PRR5: variants seen among roughly 807,000 people sequenced by gnomAD.
The protein encoded by PRR5 is proline-rich protein 5.
A neutral mutation model predicts 30.6 loss-of-function variants in PRR5; 25 were observed. The ratio of observed to expected loss-of-function variants is 0.82; its 90% confidence interval spans 0.60 to 1.14. The LOEUF is 1.14. PRR5 is among the 50% of genes most tolerant of loss of function. The probability of loss-of-function intolerance (pLI) is 0.00; values close to 1 mark genes in which losing one functional copy is unlikely to be tolerated. For synonymous variants in PRR5, 286 were observed against 247.1 expected, an observed-to-expected ratio of 1.16 and a Z score of -1.48; for missense variants, 600 against 547.1, an observed-to-expected ratio of 1.10 and a Z score of -0.96.
intron 2 of PRR5, 78 bp from the exon 3 acceptor site, chr22:44,725,166 C>G: frequency 1.9e-6 from 3 of 1,589,640 alleles, no homozygotes; most frequent in African/African-American, 1.3e-5. Context: ...GCCCAGGAGG[C>G]CCCACCCCAG....
At position 44,705,914 on chromosome 22, in the gene PRR5, C is replaced by T. The variant is rs1265040756; in HGVS notation, c.134+3306C>T. Among the ~76,000 whole-genome samples, 4 of 152,210 alleles carry T rather than the reference C, an allele frequency of 2.6e-5. No homozygotes were observed. The South Asian group carries it at 6.2e-4, about 24-fold the overall frequency. ...TCAAGCAATTCTCCTGCTTCAGCCTCCCAAGTAGCTGGGATTGTAGGCGCC... is the reference window on the plus strand; with the variant it reads ...TCAAGCAATTCTCCTGCTTCAGCCTTCCAAGTAGCTGGGATTGTAGGCGCC... On this transcript the variant is annotated intron_variant, in intron 1 of 7. Coordinates refer to ENST00000336985, the MANE Select transcript of PRR5 (RefSeq NM_181333.4).
chr22:44,727,216 C>A (rs1299060110), intron 4 of PRR5, among the ~76,000 whole-genome samples: 1 of 152,188 alleles, frequency 6.6e-6, no homozygotes, highest in East Asian at 1.9e-4. Flanking sequence ...ACCCTTTGCC[C>A]TTCTCACGGC....
chr22:44,680,379 G>C (rs997042732), intron 1 of PRR5, among the ~76,000 whole-genome samples: 15 of 152,144 alleles, frequency 9.9e-5, no homozygotes, highest in African/African-American at 3.6e-4. Flanking sequence ...TAAAGTGCAC[G>C]TTTAGTGGAA....
At chr22:44,729,288 G>A (rs1602082124) in intron 4 of PRR5, 2 of 946,764 alleles carry the variant, frequency 2.1e-6, no homozygotes, top group Non-Finnish European at 2.5e-6. Flanking sequence ...CTCCCGACGG[G>A]CTGAAACAGG....
chr22:44,719,110 A>G (rs1929544984), intron 2 of PRR5, among the ~76,000 whole-genome samples: 1 of 147,570 alleles, frequency 6.8e-6, no homozygotes, highest in Admixed American at 6.8e-5. Context: ...TTTTTAAGAG[A>G]CTAGGTCTCG....
At chr22:44,684,653 G>A (rs533562526) in intron 1 of PRR5, among the ~76,000 whole-genome samples, 12 of 152,250 alleles carry the variant, frequency 7.9e-5, no homozygotes, top group South Asian at 2.1e-4. Flanking sequence ...GCTGCCTGGT[G>A]TTGCCCAGCT....
chr22:44,694,834 A>C (rs1925604394), intron 1 of PRR5, among the ~76,000 whole-genome samples: 1 of 152,166 alleles, frequency 6.6e-6, no homozygotes, highest in African/African-American at 2.4e-5. Flanking sequence ...CCAAGGACAG[A>C]GACTAAAGCT....
In PRR5 at chr22:44,737,239, G is replaced by A; in HGVS notation, c.1159G>A (p.Val387Ile). ...DLEGSGGRQS[V>I]V ...GGAGGGCTCTGGGGGCCGGCAGAGT[G>A]TCGTGTGAGGCCTCACAGCTGGCCT... The change falls in exon 8 of 8, where the codon GTC becomes ATC. Residue 387 changes from valine to isoleucine, a missense_variant. Transcript: ENST00000336985. 2.5e-6 allele frequency: 4 copies of A among 1,599,716 alleles called. No individual in the cohort carries two copies. Among genetic ancestry groups the A allele is most frequent in the Non-Finnish European group, 2.6e-6 (3 of 1,170,310 alleles).
intron 1 of PRR5, among the ~76,000 whole-genome samples, chr22:44,679,113 C>A (rs988926064): frequency 2.0e-5 from 3 of 152,120 alleles, no homozygotes; most frequent in African/African-American, 7.2e-5. Flanking sequence ...TCCCCACTCT[C>A]CTAGGCCTCA....
chr22:44,735,701 G>T (rs1203278168), intron 7 of PRR5, among the ~76,000 whole-genome samples: 4 of 152,152 alleles, frequency 2.6e-5, no homozygotes, highest in Non-Finnish European at 5.9e-5. Flanking sequence ...TTCCCCTCCC[G>T]CGGGGGAGGC....
At chr22:44,721,619 G>A (rs1929947231) in intron 2 of PRR5, among the ~76,000 whole-genome samples, 1 of 152,160 alleles carries the variant, frequency 6.6e-6, no homozygotes. Context: ...GGAACATTGG[G>A]GTCTTCCTTT....
At chr22:44,733,001 C>A (rs532540622) in intron 6 of PRR5, among the ~76,000 whole-genome samples, 1 of 130,580 alleles carries the variant, frequency 7.7e-6, no homozygotes, top group African/African-American at 2.5e-5. Flanking sequence ...TGCGCGCACA[C>A]ATACTACACA....
At chr22:44,699,798 G>T (rs763470264), upstream of PRR5, among the ~76,000 whole-genome samples, 5 of 152,238 alleles carry the variant, frequency 3.3e-5, no homozygotes, top group Non-Finnish European at 7.3e-5. Context: ...GGAGGGACCC[G>T]CAGCTGGAGG....
At position 44,702,553 on chromosome 22, in the gene PRR5, G is replaced by A. The variant is rs1414332956; in HGVS notation, c.79G>A (p.Ala27Thr). ...DLGKREPAAA[A>T]DERGTQQRRA... ...GGGCAAGAGAGAGCCGGCCGCCGCC[G>A]CGGACGAGCGGGGCACGCAGCAGCG... Residue 27 changes from alanine (A) to threonine (T), a missense_variant, in exon 1 of 8, where the codon GCG becomes ACG. Ala to Thr is a moderately conservative substitution (Grantham distance 58). Transcript: ENST00000336985. 3.5e-6 allele frequency: 5 copies of A among 1,442,132 alleles called. No homozygotes were observed. The highest frequency in any genetic ancestry group is 3.6e-6 in the Non-Finnish European group (4 of 1,096,568). 89.3% of individuals were successfully genotyped at this position (1,442,132 alleles called of 1,614,324 possible). A position where few individuals can be genotyped will look rare whatever the true frequency, so the allele number is the denominator to read the frequency against.
At chr22:44,731,644 C>G (rs761815841) in intron 4 of PRR5, 86 bp from the exon 5 acceptor site, 1 of 1,387,748 alleles carries the variant, frequency 7.2e-7, no homozygotes, top group East Asian at 2.3e-5. Flanking sequence ...CCTCCACTCC[C>G]GCATCCTCTG....
At chr22:44,728,894 C>T (rs528682385) in intron 4 of PRR5, among the ~76,000 whole-genome samples, 6 of 152,294 alleles carry the variant, frequency 3.9e-5, no homozygotes, top group Non-Finnish European at 5.9e-5. Context: ...GTCCTGGAAG[C>T]GGAGAGCCTG....
chr22:44,670,746 G>C (rs534061781), intron 1 of PRR5, among the ~76,000 whole-genome samples: 3 of 152,212 alleles, frequency 2.0e-5, no homozygotes, highest in Non-Finnish European at 4.4e-5. Context: ...CGGTAACACA[G>C]AACTGCCTGG....
At chr22:44,729,696 C>G (rs1274471977) in intron 4 of PRR5, 2 of 985,386 alleles carry the variant, frequency 2.0e-6, no homozygotes, top group Non-Finnish European at 1.2e-6. Flanking sequence ...CGGCAGAGAG[C>G]CCCAACAGCC....
Position 44,710,401 on chromosome 22 carries a change from G to A in PRR5, c.135-4190G>A, listed in dbSNP as rs575509726. ...GGGAGGGCACTGCCTGCTGGGGCTG[G>A]GGGGGCTTCCTAGAGGAGGCGGTCC... On this transcript the variant is annotated intron_variant, in intron 1 of 7. Transcript: ENST00000336985. 5.6e-4 allele frequency among the ~76,000 whole-genome samples: 86 copies of A among 152,240 alleles called. 1 individual carries two copies. The highest frequency in any genetic ancestry group is 2.0e-3 in the African/African-American group (83 of 41,564).
Sources: gnomAD v4.1 joint callset for allele counts (sites outside exome capture counted in the v4.1 genomes callset) on GRCh38, gnomAD v4.1.1 for gene constraint, MANE v1.5 for transcripts, NCBI Gene and HGNC (gene_info 2026-07-23, HGNC 2026-07-21) for gene names.